RSF1: variants seen among roughly 807,000 people sequenced by gnomAD.
RSF1 encodes remodeling and spacing factor 1.
A neutral mutation model predicts 145.2 loss-of-function variants in RSF1; 13 were observed. The observed-to-expected ratio is 0.09, with a 90% CI of 0.06 to 0.14. The LOEUF is 0.14. Among genes scored for constraint, RSF1 ranks in the 10% least tolerant of loss-of-function variants. The pLI, the probability that RSF1 is intolerant of heterozygous loss-of-function variation, is 1.00. For missense variants in RSF1, 1,517 were observed against 1,718.2 expected (o/e 0.88, Z 2.07); for synonymous variants, 577 against 592.6 (o/e 0.97, Z 0.38).
the RSF1 span, among the ~76,000 whole-genome samples, chr11:77,846,890 G>C: frequency 2.6e-5 from 4 of 151,902 alleles, no homozygotes; most frequent in African/African-American, 9.7e-5. Flanking sequence ...ATGCCATTTG[G>C]GATCTGTCCC....
At chr11:77,737,885 T>G (rs1052931705) in intron 4 of RSF1, among the ~76,000 whole-genome samples, 1 of 152,136 alleles carries the variant, frequency 6.6e-6, no homozygotes, top group Non-Finnish European at 1.5e-5. Flanking sequence ...ATCCCAGCAC[T>G]TTGGGAGGCT....
chr11:77,774,764 CTTTT>C (rs1306479298), intron 1 of RSF1, among the ~76,000 whole-genome samples: 1 of 136,588 alleles, frequency 7.3e-6, no homozygotes, highest in Non-Finnish European at 1.5e-5. Flanking sequence ...CTGCTTCTTT[CTTTT>C]TTTTCTTTTT....
chr11:77,707,118 C>T (rs1469941981), intron 5 of RSF1, among the ~76,000 whole-genome samples: 1 of 152,190 alleles, frequency 6.6e-6, no homozygotes, highest in Non-Finnish European at 1.5e-5. Context: ...GCAGCACTTA[C>T]TGCCCAGAAT....
the RSF1 span, among the ~76,000 whole-genome samples, chr11:77,867,606 A>G: frequency 6.6e-6 from 1 of 152,234 alleles, no homozygotes; most frequent in African/African-American, 2.4e-5. Flanking sequence ...TGGGTCAGGA[A>G]AGGAATGCTT....
chr11:77,778,157 A>G (rs1590881302), intron 1 of RSF1, among the ~76,000 whole-genome samples: 5 of 12,664 alleles, frequency 3.9e-4, no homozygotes, highest in Non-Finnish European at 7.8e-4. Flanking sequence ...GGGGGAGGGA[A>G]GGGGGAATGG....
At chr11:77,761,228 C>T (rs367907010) in intron 2 of RSF1, among the ~76,000 whole-genome samples, 29 of 152,116 alleles carry the variant, frequency 1.9e-4, no homozygotes, top group Non-Finnish European at 3.5e-4. Context: ...CGTGAGCCAC[C>T]GCACCTGGCC....
rs2135798855 is a variant in RSF1 at position 77,662,179 on chromosome 11, T to C, written c.*4738A>G. On this transcript the variant is annotated 3_prime_UTR_variant, in exon 16 of 16. Coordinates refer to ENST00000308488, the MANE Select transcript of RSF1 (RefSeq NM_016578.4). Reference sequence around the variant, plus strand: ...CTACTCATCTATTGTTATGCCCTCTTATATAACTTATGTATAGGATAGTCA... The same window carrying C: ...CTACTCATCTATTGTTATGCCCTCTCATATAACTTATGTATAGGATAGTCA... 1 of 152,272 alleles carries C rather than the reference T, an allele frequency of 6.6e-6. No individual in the cohort carries two copies. Among genetic ancestry groups the C allele is most frequent in the Non-Finnish European group, 1.5e-5 (1 of 68,006 alleles). The allele number at this position is 152,272 out of a possible 1,614,324, so 9.4% of individuals were successfully genotyped here.
At chr11:77,838,859 G>A in the RSF1 span, among the ~76,000 whole-genome samples, 7 of 151,900 alleles carry the variant, frequency 4.6e-5, no homozygotes, top group Admixed American at 2.0e-4. Context: ...CTCGTGATCC[G>A]CCCACCTGGG....
the RSF1 span, among the ~76,000 whole-genome samples, chr11:77,861,799 T>A: frequency 9.2e-5 from 14 of 152,298 alleles, no homozygotes; most frequent in Admixed American, 7.8e-4. Context: ...GCCTTTTTTT[T>A]ATCCCATTTG....
chr11:77,716,134 G>GA lies in RSF1; in HGVS notation c.733+9410dup, dbSNP rs373189180. On this transcript the variant is annotated intron_variant, in intron 5 of 15. Coordinates refer to ENST00000308488, the MANE Select transcript of RSF1 (RefSeq NM_016578.4). Reference sequence around the variant, plus strand: ...GACAACAGGTGTAGGCAAAAATGAGGAAAAAAAAAAAGAAAGAGAATCCCT... The same window carrying GA: ...GACAACAGGTGTAGGCAAAAATGAGGAAAAAAAAAAAAGAAAGAGAATCCCT... Among the ~76,000 whole-genome samples the GA allele has an allele frequency of 8.2e-4, 116 of 141,106 alleles. 1 individual carries two copies. The highest frequency in any genetic ancestry group is 5.5e-3 in the South Asian group (25 of 4,516). 92.6% of individuals were successfully genotyped at this position (141,106 alleles called of 152,430 possible).
chr11:77,769,095 T>C (rs1208641769), intron 1 of RSF1, among the ~76,000 whole-genome samples: 1 of 152,174 alleles, frequency 6.6e-6, no homozygotes, highest in Non-Finnish European at 1.5e-5. Flanking sequence ...TCTCGCTCTG[T>C]CGCCCAGGCT....
intron 9 of RSF1, 123 bp downstream of exon 9, chr11:77,691,035 GC>G (rs1960138503): frequency 1.3e-6 from 1 of 782,024 alleles, no homozygotes; most frequent in Non-Finnish European, 2.0e-6. Flanking sequence ...CAAAAAGGAG[GC>G]TGGATTTGGC....
At chr11:77,797,794 AC>A (rs1277880628) in intron 1 of RSF1, among the ~76,000 whole-genome samples, 2 of 152,080 alleles carry the variant, frequency 1.3e-5, no homozygotes, top group African/African-American at 4.8e-5. Flanking sequence ...AGAATCTACA[AC>A]AAACTTAAAC....
chr11:77,796,067 TTTC>T (rs1236055063), intron 1 of RSF1, among the ~76,000 whole-genome samples: 26 of 152,212 alleles, frequency 1.7e-4, no homozygotes, highest in African/African-American at 6.0e-4. Context: ...CCCTATATCG[TTTC>T]TTCTTGTGTC....
At chr11:77,760,456 G>A (rs1173528209) in intron 2 of RSF1, among the ~76,000 whole-genome samples, 1 of 151,510 alleles carries the variant, frequency 6.6e-6, no homozygotes, top group Non-Finnish European at 1.5e-5. Flanking sequence ...GCTTCTTACT[G>A]AGATGTTAGA....
intron 1 of RSF1, among the ~76,000 whole-genome samples, chr11:77,819,932 A>G (rs1177211008): frequency 6.6e-6 from 1 of 152,000 alleles, no homozygotes; most frequent in Non-Finnish European, 1.5e-5. Context: ...TAGGGGTTAA[A>G]GCAGCCCTCG....
chr11:77,741,066 A>C (rs545136541), intron 3 of RSF1, 130 bp from the exon 4 acceptor site: 2 of 684,252 alleles, frequency 2.9e-6, no homozygotes, highest in African/African-American at 3.6e-5. Flanking sequence ...TCCTTCTTTC[A>C]CTATCCTCTT....
At chr11:77,696,374 TA>T (rs1960277236) in intron 7 of RSF1, among the ~76,000 whole-genome samples, 1 of 152,222 alleles carries the variant, frequency 6.6e-6, no homozygotes, top group Admixed American at 6.5e-5. Flanking sequence ...TTTCTGCTGT[TA>T]AAGCTCAATT....
At position 77,697,606 on chromosome 11, in the gene RSF1, C is replaced by T. The variant is rs575574084; in HGVS notation, c.2715+881G>A. Among the ~76,000 whole-genome samples the T allele has an allele frequency of 1.8e-3, 259 of 147,884 alleles. 2 individuals are homozygous for T. Among genetic ancestry groups the T allele is most frequent in the Non-Finnish European group, 4.2e-4 (28 of 67,230 alleles). On this transcript the variant is annotated intron_variant, in intron 7 of 15. Coordinates refer to ENST00000308488, the MANE Select transcript of RSF1 (RefSeq NM_016578.4). ...CAGGCAACCTTTGAAGAACTTACTT[C>T]CTGGGGAAGAAAGCTCTCTATAAAA... is the stretch of plus-strand genomic sequence containing the variant.
Sources: allele counts gnomAD v4.1 joint callset (sites outside exome capture counted in the v4.1 genomes callset), GRCh38; gene constraint gnomAD v4.1.1; transcripts MANE v1.5; gene names NCBI Gene and HGNC (gene_info 2026-07-23, HGNC 2026-07-21).